Variants in METTL9 observed in about 807,000 individuals in gnomAD.
METTL9 encodes methyltransferase 9, His-X-His N1(pi)-histidine, also known as protein-L-histidine N-pros-methyltransferase.
A neutral mutation model predicts 36.0 loss-of-function variants in METTL9; 10 were observed. The observed-to-expected ratio is 0.28, with a 90% CI of 0.17 to 0.47. The LOEUF is 0.47. Among genes scored for constraint, METTL9 ranks in the 20% least tolerant of loss-of-function variants. The pLI is 0.99. For synonymous variants in METTL9, 175 were observed against 149.7 expected (o/e 1.17, Z -1.23); for missense variants, 246 against 383.5 (o/e 0.64, Z 3.00).
chr16:21,616,646 G>A (rs1358540601), intron 2 of METTL9, among the ~76,000 whole-genome samples: 3 of 152,060 alleles, frequency 2.0e-5, no homozygotes, highest in African/African-American at 7.2e-5. Context: ...AGAAATAATA[G>A]GACCCAGACA....
In METTL9 at chr16:21,599,917, G is replaced by T; in HGVS notation, c.165+19G>T. ...CCACCAGGTACGGGCTGGGGCCGGG[G>T]CCGGGGCGGGGGCGTGGCGGCCCGG... On this transcript the variant is annotated intron_variant, in intron 1 of 4. Transcript: ENST00000358154. The surrounding 1 kb of genome is among the most constrained non-coding windows in gnomAD (Gnocchi z 4.4). The T allele has an allele frequency of 7.3e-7, 1 of 1,362,554 alleles. No homozygotes were observed. The highest frequency in any genetic ancestry group is 9.4e-7 in the Non-Finnish European group (1 of 1,061,414). 84.4% of individuals were successfully genotyped at this position (1,362,554 alleles called of 1,614,324 possible).
chr16:21,598,950 G>T (rs1015742179), upstream of METTL9, among the ~76,000 whole-genome samples: 6 of 152,290 alleles, frequency 3.9e-5, no homozygotes, highest in East Asian at 9.6e-4. Flanking sequence ...AACTTCTCAG[G>T]CTTGGGGAAC....
At chr16:21,616,832 A>G (rs988419918) in intron 2 of METTL9, among the ~76,000 whole-genome samples, 2 of 150,930 alleles carry the variant, frequency 1.3e-5, no homozygotes, top group Non-Finnish European at 3.0e-5. Context: ...TTTTTTTCCT[A>G]TTTGGTTTCT....
chr16:21,597,294 T>C (rs1479847802), upstream of METTL9: 3 of 1,289,008 alleles, frequency 2.3e-6, no homozygotes, highest in Non-Finnish European at 3.0e-6. Flanking sequence ...CCAAGTTCTA[T>C]GAAAAGGTCA....
At chr16:21,644,235 C>T in intron 4 of METTL9, 1 of 1,231,258 alleles carries the variant, frequency 8.1e-7, no homozygotes, top group Non-Finnish European at 1.2e-6. Flanking sequence ...AATTATTTTT[C>T]TTTTGATAAT....
At chr16:21,648,186 G>A (rs965527432) in intron 4 of METTL9, among the ~76,000 whole-genome samples, 8 of 152,172 alleles carry the variant, frequency 5.3e-5, no homozygotes, top group Non-Finnish European at 7.3e-5. Flanking sequence ...TCTCCCTGGC[G>A]TGTGTGCTGC....
chr16:21,648,338 G>A (rs1041844115), intron 4 of METTL9, among the ~76,000 whole-genome samples: 11 of 152,190 alleles, frequency 7.2e-5, no homozygotes, highest in African/African-American at 2.7e-4. Context: ...AATGGGGATA[G>A]TATTGTTGAC....
intron 1 of METTL9, among the ~76,000 whole-genome samples, chr16:21,605,107 A>C (rs959657802): frequency 1.3e-5 from 2 of 151,966 alleles, no homozygotes; most frequent in African/African-American, 4.8e-5. Context: ...GAGAGAGAAG[A>C]GACTTGCTCA....
Position 21,612,734 on chromosome 16 carries a change from AAAC to A in METTL9, c.260_262del (p.Asn87del). 6.2e-7 allele frequency: 1 copy of A among 1,613,010 alleles called. No homozygotes were observed. The highest frequency in any genetic ancestry group is 8.5e-7 in the Non-Finnish European group (1 of 1,179,778). ...TTGATCAAGGAACACAGATCTTCTTAAACAACAGCATTGAGAAATCGGGCTGGC... is the reference window on the plus strand; with the variant it reads ...TTGATCAAGGAACACAGATCTTCTTAAACAGCATTGAGAAATCGGGCTGGC... On this transcript the variant is annotated inframe_deletion, in exon 2 of 5. Transcript: ENST00000358154.
At chr16:21,653,612 TA>T (rs1966634593) in intron 4 of METTL9, 2 of 152,408 alleles carry the variant, frequency 1.3e-5, no homozygotes, top group African/African-American at 2.4e-5. Context: ...AATCACACCA[TA>T]AACAGGTCTG....
intron 4 of METTL9, among the ~76,000 whole-genome samples, chr16:21,628,299 G>A (rs147151191): frequency 9.9e-5 from 15 of 152,184 alleles, no homozygotes; most frequent in Non-Finnish European, 1.8e-4. Context: ...AATTGACCAT[G>A]ATGGGAGTAT....
rs2141633348 is a variant in METTL9 at position 21,656,539 on chromosome 16, G to A, written c.*1107G>A. ...AATGCTGCCATAGAGGAACCCATTA[G>A]CAAGATCAATAACCATCGTGGATAT... On this transcript the variant is annotated 3_prime_UTR_variant, in exon 5 of 5. Coordinates refer to ENST00000358154, the MANE Select transcript of METTL9 (RefSeq NM_016025.5). The A allele has an allele frequency of 6.6e-6, 1 of 152,248 alleles. No individual in the cohort carries two copies. The highest frequency in any genetic ancestry group is 1.9e-4 in the East Asian group (1 of 5,184). 9.4% of individuals were successfully genotyped at this position (152,248 alleles called of 1,614,324 possible).
At chr16:21,615,259 C>T (rs184052391) in intron 2 of METTL9, among the ~76,000 whole-genome samples, 5 of 152,236 alleles carry the variant, frequency 3.3e-5, no homozygotes, top group African/African-American at 9.6e-5. Context: ...GACAGGGTCT[C>T]GCTCTGTTGC....
intron 4 of METTL9, among the ~76,000 whole-genome samples, chr16:21,646,004 C>T (rs763692861): frequency 6.6e-6 from 1 of 152,152 alleles, no homozygotes; most frequent in Non-Finnish European, 1.5e-5. Context: ...ATTTTGAAAT[C>T]GAAGGGCTGG....
chr16:21,620,039 A>G lies in METTL9; in HGVS notation c.566+1965A>G, dbSNP rs539974652. Among the ~76,000 whole-genome samples, 7 of 152,300 alleles carry G rather than the reference A, an allele frequency of 4.6e-5. No homozygotes were observed. The South Asian group carries it at 1.4e-3, about 32-fold the overall frequency. ...CCTGGAGAAGGGAAGATTTCTGTGA[A>G]CAGATACGCTGTGGGATTTTTATAT... On this transcript the variant is annotated intron_variant, in intron 3 of 4. Transcript: ENST00000358154.
intron 4 of METTL9, chr16:21,647,181 C>G: frequency 6.2e-7 from 1 of 1,614,166 alleles, no homozygotes; most frequent in Non-Finnish European, 8.5e-7. Flanking sequence ...GCTCTCGCTT[C>G]CGGCACACTG....
intron 3 of METTL9, among the ~76,000 whole-genome samples, chr16:21,619,462 C>T (rs1194306631): frequency 6.6e-6 from 1 of 151,766 alleles, no homozygotes; most frequent in Non-Finnish European, 1.5e-5. Flanking sequence ...TTTCACTTGC[C>T]CAAGCTGGAG....
At chr16:21,623,796 G>C (rs1434878631) in intron 3 of METTL9, among the ~76,000 whole-genome samples, 2 of 151,972 alleles carry the variant, frequency 1.3e-5, no homozygotes, top group Non-Finnish European at 2.9e-5. Context: ...TTTTGAGATG[G>C]AGTCTGGCTC....
intron 1 of METTL9, among the ~76,000 whole-genome samples, chr16:21,609,871 T>G (rs1213213891): frequency 6.6e-6 from 1 of 152,142 alleles, no homozygotes; most frequent in Non-Finnish European, 1.5e-5. Context: ...AAATTTGCAT[T>G]TTAAGAGGTT....
Sources: allele counts gnomAD v4.1 joint callset (sites outside exome capture counted in the v4.1 genomes callset), GRCh38; gene constraint gnomAD v4.1.1; non-coding constraint Gnocchi (gnomAD v3.1); transcripts MANE v1.5; gene names NCBI Gene and HGNC (gene_info 2026-07-23, HGNC 2026-07-21).